Variants in FOXN3 observed in about 807,000 individuals in gnomAD.
FOXN3 encodes forkhead box protein N3.
Under a neutral mutation model 38.4 loss-of-function variants are expected in FOXN3, and 7 were observed. The observed-to-expected ratio is 0.18, with a 90% CI of 0.10 to 0.34. The LOEUF (loss-of-function observed/expected upper bound fraction) is 0.34. FOXN3 is among the 10% of genes least tolerant of loss of function. The pLI is 1.00. For synonymous variants in FOXN3, 230 were observed against 242.2 expected (o/e 0.95, Z 0.47); for missense variants, 456 against 613.4 (o/e 0.74, Z 2.71).
At chr14:89,224,980 T>A (rs1035999218) in intron 4 of FOXN3, among the ~76,000 whole-genome samples, 14 of 150,928 alleles carry the variant, frequency 9.3e-5, no homozygotes, top group Non-Finnish European at 1.3e-4. Context: ...AATAAAAAAA[T>A]TAGCTGGGTG....
At chr14:89,441,922 C>CTTT (rs35118856) in intron 1 of FOXN3, among the ~76,000 whole-genome samples, 32 of 75,402 alleles carry the variant, frequency 4.2e-4, no homozygotes, top group African/African-American at 6.8e-4. Context: ...AACCGGCTGA[C>CTTT]TTTTTTTTTT....
At chr14:89,516,015 T>G (rs974836415) in intron 1 of FOXN3, among the ~76,000 whole-genome samples, 14 of 151,922 alleles carry the variant, frequency 9.2e-5, no homozygotes, top group African/African-American at 3.4e-4. Context: ...GGCTGTAGAG[T>G]TTTCAAAATG....
At chr14:89,201,506 A>C (rs1037141880) in intron 4 of FOXN3, among the ~76,000 whole-genome samples, 4 of 151,866 alleles carry the variant, frequency 2.6e-5, no homozygotes, top group African/African-American at 9.7e-5. Context: ...AGGAATGGAG[A>C]CTCCCAAGAG....
chr14:89,541,370 C>T (rs1894788189), intron 1 of FOXN3, among the ~76,000 whole-genome samples: 1 of 152,160 alleles, frequency 6.6e-6, no homozygotes, highest in Admixed American at 6.5e-5. Context: ...AAAGACCTTG[C>T]TGATAAAACA....
At chr14:89,269,595 C>T (rs1398891113) in intron 4 of FOXN3, among the ~76,000 whole-genome samples, 1 of 151,572 alleles carries the variant, frequency 6.6e-6, no homozygotes, top group African/African-American at 2.4e-5. Context: ...CGGTAATGGT[C>T]GCAACAGTTG....
chr14:89,417,885 GGCCAC>G (rs1368715102), upstream of FOXN3: 1 of 377,548 alleles, frequency 2.6e-6, no homozygotes, highest in Non-Finnish European at 5.4e-6. Context: ...CCGTCCTAAA[GGCCAC>G]GCCGGTGGGG....
chr14:89,560,094 G>A (rs1451737359), intron 1 of FOXN3, among the ~76,000 whole-genome samples: 1 of 152,204 alleles, frequency 6.6e-6, no homozygotes, highest in Non-Finnish European at 1.5e-5. Flanking sequence ...CATGCAGGAA[G>A]GTGAAGGGGA....
At chr14:89,365,373 T>C (rs1330959863) in intron 2 of FOXN3, among the ~76,000 whole-genome samples, 3 of 152,206 alleles carry the variant, frequency 2.0e-5, no homozygotes, top group Admixed American at 2.0e-4. Flanking sequence ...CGATCAATCA[T>C]AAAATGATCA....
chr14:89,316,567 C>T (rs1320285215), intron 3 of FOXN3, among the ~76,000 whole-genome samples: 1 of 151,730 alleles, frequency 6.6e-6, no homozygotes, highest in Non-Finnish European at 1.5e-5. Flanking sequence ...CATTATGTTG[C>T]CCAGACTGGT....
At chr14:89,254,433 G>C (rs1435211671) in intron 4 of FOXN3, among the ~76,000 whole-genome samples, 3 of 152,124 alleles carry the variant, frequency 2.0e-5, no homozygotes, top group Non-Finnish European at 2.9e-5. Flanking sequence ...GCAGGGAAAG[G>C]AGCGAGTGGT....
At chr14:89,382,354 A>G (rs1159103684) in intron 2 of FOXN3, among the ~76,000 whole-genome samples, 1 of 152,028 alleles carries the variant, frequency 6.6e-6, no homozygotes, top group Non-Finnish European at 1.5e-5. Context: ...TCCGTGCTCC[A>G]AGCCTTCAAA....
chr14:89,211,755 C>A (rs1184317841), intron 4 of FOXN3, among the ~76,000 whole-genome samples: 1 of 152,194 alleles, frequency 6.6e-6, no homozygotes, highest in East Asian at 1.9e-4. Flanking sequence ...GAACGAAATT[C>A]TCTCCCCTTG....
At chr14:89,330,015 G>A (rs769129496) in intron 3 of FOXN3, among the ~76,000 whole-genome samples, 3 of 152,070 alleles carry the variant, frequency 2.0e-5, no homozygotes, top group Middle Eastern at 3.4e-3. Context: ...CTGCTCCCCC[G>A]CCATTTGTGG....
intron 4 of FOXN3, among the ~76,000 whole-genome samples, chr14:89,247,577 T>C (rs769347659): frequency 1.3e-5 from 2 of 152,192 alleles, no homozygotes; most frequent in Non-Finnish European, 2.9e-5. Flanking sequence ...AGAGGTCTAG[T>C]GCACAGTCAA....
intron 1 of FOXN3, among the ~76,000 whole-genome samples, chr14:89,501,171 C>A (rs1410345662): frequency 1.3e-5 from 2 of 152,138 alleles, no homozygotes; most frequent in African/African-American, 4.8e-5. Context: ...ACACATGTAT[C>A]TTATGCTAAT....
chr14:89,362,422 T>A (rs142387192), intron 2 of FOXN3, among the ~76,000 whole-genome samples: 141 of 2,030 alleles, frequency 0.069, 11 homozygotes, highest in Non-Finnish European at 0.18. Flanking sequence ...CTCCTCCTCC[T>A]CCACCACCAC....
intron 1 of FOXN3, among the ~76,000 whole-genome samples, chr14:89,423,787 T>C (rs1891968212): frequency 6.6e-6 from 1 of 152,188 alleles, no homozygotes; most frequent in African/African-American, 2.4e-5. Flanking sequence ...TGGGAAGTGG[T>C]ATAACTTTTC....
At chr14:89,602,566 G>A (rs1020822259) in intron 1 of FOXN3, among the ~76,000 whole-genome samples, 3 of 151,486 alleles carry the variant, frequency 2.0e-5, no homozygotes, top group Admixed American at 1.3e-4. Flanking sequence ...GCGCGATCTC[G>A]GCTCACTGCA....
At chr14:89,324,435 A>AGT (rs145470710) in intron 3 of FOXN3, among the ~76,000 whole-genome samples, 1,780 of 123,526 alleles carry the variant, frequency 0.014, 39 homozygotes, top group African/African-American at 0.056. Context: ...GAAACAGCTA[A>AGT]GTGTGTGCGT....
Sources: allele counts gnomAD v4.1 joint callset (sites outside exome capture counted in the v4.1 genomes callset), GRCh38; gene constraint gnomAD v4.1.1; transcripts MANE v1.5; gene names NCBI Gene and HGNC (gene_info 2026-07-23, HGNC 2026-07-21).